The following FOXP2 variants were observed in gnomAD, a reference collection of about 807,000 sequenced individuals.
FOXP2 encodes the protein forkhead box P2, also known as forkhead box protein P2.
Under a neutral mutation model 115.8 loss-of-function variants are expected in FOXP2, and 12 were observed. That is an observed-to-expected ratio of 0.10 (90% CI 0.07 to 0.17). The LOEUF is 0.17. Ranked by LOEUF, FOXP2 falls within the 10% of genes least tolerant of loss-of-function variation. FOXP2 has a pLI of 1.00. For synonymous variants in FOXP2, 328 were observed against 297.7 expected, an observed-to-expected ratio of 1.10 and a Z score of -1.05; for missense variants, 629 against 843.5, an observed-to-expected ratio of 0.75 and a Z score of 3.15.
intron 3 of FOXP2, among the ~76,000 whole-genome samples, chr7:114,561,813 A>G (rs535867276): frequency 3.4e-4 from 51 of 152,170 alleles, no homozygotes; most frequent in Admixed American, 2.9e-3. Context: ...TTTTTGAGAC[A>G]TGGTCTTTCT....
At chr7:114,568,440 G>GC (rs1433700266) in intron 3 of FOXP2, among the ~76,000 whole-genome samples, 3 of 149,488 alleles carry the variant, frequency 2.0e-5, no homozygotes, top group South Asian at 2.1e-4. Context: ...TTTTGGGGGG[G>GC]GGTTATTTTG....
intron 2 of FOXP2, among the ~76,000 whole-genome samples, chr7:114,299,247 C>T (rs1796821231): frequency 6.6e-6 from 1 of 152,062 alleles, no homozygotes; most frequent in Non-Finnish European, 1.5e-5. Context: ...TATATTGGGA[C>T]TATCTTGGGT....
intron 1 of FOXP2, among the ~76,000 whole-genome samples, chr7:114,093,473 G>C (rs1799582209): frequency 6.6e-6 from 1 of 152,132 alleles, no homozygotes; most frequent in South Asian, 2.1e-4. Context: ...CAGGGATTTT[G>C]TTTTGCTTTG....
intron 2 of FOXP2, among the ~76,000 whole-genome samples, chr7:114,291,998 G>C: frequency 8.0e-6 from 1 of 124,682 alleles, no homozygotes; most frequent in African/African-American, 3.9e-5. Flanking sequence ...ATATATTATA[G>C]ATAATATATA....
intron 2 of FOXP2, among the ~76,000 whole-genome samples, chr7:114,443,321 C>G (rs1219789828): frequency 2.0e-5 from 3 of 152,128 alleles, no homozygotes; most frequent in African/African-American, 7.2e-5. Flanking sequence ...ACAAAAAAGG[C>G]ACATGCGATT....
chr7:114,303,041 A>T (rs1796913330), intron 2 of FOXP2, among the ~76,000 whole-genome samples: 1 of 152,178 alleles, frequency 6.6e-6, no homozygotes, highest in African/African-American at 2.4e-5. Context: ...TGACTCAGCT[A>T]AGCTATGCCC....
At chr7:114,537,034 G>A (rs1799428304) in intron 3 of FOXP2, among the ~76,000 whole-genome samples, 1 of 151,460 alleles carries the variant, frequency 6.6e-6, no homozygotes, top group African/African-American at 2.4e-5. Flanking sequence ...ATTAGGTAAT[G>A]CTTATCCTTG....
At chr7:114,233,647 C>T (rs1454562800) in intron 1 of FOXP2, among the ~76,000 whole-genome samples, 2 of 152,208 alleles carry the variant, frequency 1.3e-5, no homozygotes, top group Admixed American at 1.3e-4. Flanking sequence ...TAAACAATTG[C>T]TTCCACAATT....
At chr7:114,242,170 A>G (rs1348238696) in intron 1 of FOXP2, among the ~76,000 whole-genome samples, 1 of 151,722 alleles carries the variant, frequency 6.6e-6, no homozygotes, top group Non-Finnish European at 1.5e-5. Context: ...AAAAGGAGAT[A>G]ATTTGAAAAA....
rs146945410 is a variant in FOXP2 at position 114,629,960 on chromosome 7, A to G, written c.552A>G (p.Gln184=). ...QQQQQQQQQQ[Q]QQQQQQQHPG... ...AGCAACAACAGCAGCAGCAGCAGCA[A>G]CAGCAGCAGCAGCAGCAACAGCATC... The change falls in exon 5 of 17, where the codon CAA becomes CAG. Residue 184 remains glutamine (Q), a synonymous_variant. Transcript: ENST00000350908. 4,461 of 1,609,350 alleles carry G rather than the reference A, an allele frequency of 2.8e-3. 5 individuals carry two copies. Among genetic ancestry groups the G allele is most frequent in the Non-Finnish European group, 3.5e-3 (4,070 of 1,178,614 alleles).
chr7:114,585,290 A>G (rs1802076771), intron 3 of FOXP2, among the ~76,000 whole-genome samples: 1 of 152,128 alleles, frequency 6.6e-6, no homozygotes, highest in African/African-American at 2.4e-5. Flanking sequence ...CAACTTACAA[A>G]TTTATGATTT....
chr7:114,225,498 G>A (rs1470322660), intron 1 of FOXP2, among the ~76,000 whole-genome samples: 1 of 151,970 alleles, frequency 6.6e-6, no homozygotes, highest in Non-Finnish European at 1.5e-5. Context: ...AGGGTGGAGT[G>A]CAGTAGCATG....
rs551853993 is a variant in FOXP2 at position 114,686,464 on chromosome 7, C to T, written c.2004-3318C>T. 4.7e-4 allele frequency among the ~76,000 whole-genome samples: 71 copies of T among 152,280 alleles called. 1 individual carries two copies. Among genetic ancestry groups the T allele is most frequent in the Non-Finnish European group, 1.8e-4 (12 of 68,018 alleles). On this transcript the variant is annotated intron_variant, in intron 16 of 16. Transcript: ENST00000350908. Reference sequence around the variant, plus strand: ...CTGGGATAACAGGAGTGAGCCACAGCGCCTGGCCAATACTTAAGTCTTTAT... The same window carrying T: ...CTGGGATAACAGGAGTGAGCCACAGTGCCTGGCCAATACTTAAGTCTTTAT...
intron 1 of FOXP2, among the ~76,000 whole-genome samples, chr7:114,205,201 A>G (rs1213089996): frequency 6.6e-6 from 1 of 152,200 alleles, no homozygotes; most frequent in Non-Finnish European, 1.5e-5. Flanking sequence ...TAAGTAATAT[A>G]TGACCGTGAA....
chr7:114,608,478 C>A (rs1803453651), intron 3 of FOXP2, among the ~76,000 whole-genome samples: 1 of 152,180 alleles, frequency 6.6e-6, no homozygotes, highest in South Asian at 2.1e-4. Context: ...GAAATGGAGT[C>A]TTGTATAATA....
chr7:114,187,395 G>T (rs78608587), intron 1 of FOXP2, among the ~76,000 whole-genome samples: 42 of 152,200 alleles, frequency 2.8e-4, no homozygotes, highest in African/African-American at 9.4e-4. Flanking sequence ...CAGACATTCA[G>T]CCAAATTTGT....
rs138967121 is a variant in FOXP2 at position 114,117,428 on chromosome 7, G to A, written c.-247+29590G>A. Among the ~76,000 whole-genome samples the A allele has an allele frequency of 8.1e-3, 1,235 of 151,864 alleles. 19 individuals carry two copies. The highest frequency in any genetic ancestry group is 0.028 in the African/African-American group (1,160 of 41,426). On this transcript the variant is annotated intron_variant, in intron 1 of 19. Coordinates refer to the FOXP2 transcript ENST00000635638. ...GTAGAGACAGGGTTTCGCCACGTTG[G>A]CCAGGCTGGTTTTGAACTCCTGACC...
intron 3 of FOXP2, among the ~76,000 whole-genome samples, chr7:114,540,800 CT>C (rs1799619946): frequency 6.6e-6 from 1 of 151,936 alleles, no homozygotes; most frequent in Non-Finnish European, 1.5e-5. Context: ...ATTCTGAGAT[CT>C]GGTTGGGCAA....
intron 3 of FOXP2, among the ~76,000 whole-genome samples, chr7:114,552,923 T>C (rs1048039081): frequency 1.3e-5 from 2 of 152,182 alleles, no homozygotes; most frequent in Non-Finnish European, 2.9e-5. Flanking sequence ...ATTGTTTTTA[T>C]ACTCCTAGAG....
Sources: allele counts gnomAD v4.1 joint callset (sites outside exome capture counted in the v4.1 genomes callset), GRCh38; gene constraint gnomAD v4.1.1; transcripts MANE v1.5; gene names NCBI Gene and HGNC (gene_info 2026-07-23, HGNC 2026-07-21).